LRP1B: variants seen among roughly 807,000 people sequenced by gnomAD.
LRP1B encodes the protein low-density lipoprotein receptor-related protein 1B.
In LRP1B, 217 loss-of-function variants were observed where a neutral mutation model predicts 556.6. That is an observed-to-expected ratio of 0.39 (90% CI 0.35 to 0.44). LRP1B has a LOEUF of 0.44. Ranked by LOEUF, LRP1B falls within the 20% of genes least tolerant of loss-of-function variation. The probability of loss-of-function intolerance (pLI) is 1.00; values close to 1 mark genes in which losing one functional copy is unlikely to be tolerated. For synonymous variants in LRP1B, 2,047 were observed against 1,865.8 expected (o/e 1.10, Z -2.50); for missense variants, 5,053 against 5,620.8 (o/e 0.90, Z 3.23).
At chr2:140,498,663 C>T (rs1026022018) in intron 55 of LRP1B, among the ~76,000 whole-genome samples, 1 of 151,742 alleles carries the variant, frequency 6.6e-6, no homozygotes, top group African/African-American at 2.4e-5. Flanking sequence ...TTCTCTGAAA[C>T]AGAGAAATCT....
chr2:141,163,896 C>T (rs1680140067), intron 7 of LRP1B, among the ~76,000 whole-genome samples: 1 of 151,994 alleles, frequency 6.6e-6, no homozygotes, highest in East Asian at 1.9e-4. Flanking sequence ...GTAAACTATA[C>T]CTCGGACCTA....
At chr2:140,874,485 A>G (rs1693241389) in intron 25 of LRP1B, among the ~76,000 whole-genome samples, 2 of 152,158 alleles carry the variant, frequency 1.3e-5, no homozygotes, top group African/African-American at 4.8e-5. Flanking sequence ...TTCCAAAATA[A>G]TATTCTGTGC....
At chr2:140,325,634 T>C (rs1356969508) in intron 80 of LRP1B, 128 bp downstream of exon 80, 1 of 601,278 alleles carries the variant, frequency 1.7e-6, no homozygotes, top group East Asian at 3.0e-5. Context: ...GTAAGCCTTA[T>C]AAGTTGAAAG....
At chr2:140,344,127 C>T (rs1208667444) in intron 77 of LRP1B, among the ~76,000 whole-genome samples, 1 of 151,734 alleles carries the variant, frequency 6.6e-6, no homozygotes, top group Non-Finnish European at 1.5e-5. Context: ...GATGTACCAG[C>T]ATGTAAATTT....
chr2:140,946,086 C>A (rs1433701759), intron 20 of LRP1B, among the ~76,000 whole-genome samples: 1 of 152,042 alleles, frequency 6.6e-6, no homozygotes, highest in Non-Finnish European at 1.5e-5. Context: ...ATGCAAGTGG[C>A]CAGGAAACAT....
intron 2 of LRP1B, among the ~76,000 whole-genome samples, chr2:141,787,881 T>G (rs1695477276): frequency 6.6e-6 from 1 of 152,012 alleles, no homozygotes; most frequent in African/African-American, 2.4e-5. Context: ...AATCTTTTTC[T>G]CCATATGTCT....
intron 29 of LRP1B, among the ~76,000 whole-genome samples, chr2:140,843,074 TTTTTTTGTTTGTTTTTTTTTTTTTTG>T (rs1553543318): frequency 0.26 from 9,841 of 37,306 alleles, 953 homozygotes; most frequent in East Asian, 0.39. Flanking sequence ...TTTGTTTTTT[TTTTTTTGTTTGTTTTTTTTTTTTTTG>T]TTTTTTTTTT....
In LRP1B at chr2:141,004,213, G is replaced by A. The variant is rs187975349; in HGVS notation, c.2503+1122C>T. ...TATATGCCAACTTGACTGGTACATG[G>A]GGTGCTCAGATGTTTGGTCACACAT... On this transcript the variant is annotated intron_variant, in intron 15 of 90. Coordinates refer to ENST00000389484, the MANE Select transcript of LRP1B (RefSeq NM_018557.3). Among the ~76,000 whole-genome samples the A allele has an allele frequency of 3.7e-3, 559 of 152,092 alleles. 3 individuals are homozygous for A. Among genetic ancestry groups the A allele is most frequent in the African/African-American group, 0.012 (513 of 41,520 alleles).
At chr2:140,251,546 C>T (rs1253495742) in intron 86 of LRP1B, among the ~76,000 whole-genome samples, 2 of 151,836 alleles carry the variant, frequency 1.3e-5, no homozygotes, top group Admixed American at 6.6e-5. Flanking sequence ...CTTCTGACCA[C>T]AGTGAAATTC....
chr2:141,677,488 G>A (rs557534855), intron 2 of LRP1B, among the ~76,000 whole-genome samples: 297 of 152,010 alleles, frequency 2.0e-3, no homozygotes, highest in Non-Finnish European at 3.3e-3. Flanking sequence ...AGTTTTATAT[G>A]TATATATATA....
At chr2:141,630,744 T>G (rs2105348952) in intron 2 of LRP1B, among the ~76,000 whole-genome samples, 1 of 152,344 alleles carries the variant, frequency 6.6e-6, no homozygotes, top group South Asian at 2.1e-4. Context: ...TGCAAGAATA[T>G]GCACAGGGGG....
intron 2 of LRP1B, among the ~76,000 whole-genome samples, chr2:141,771,268 A>AG (rs1694889989): frequency 6.6e-6 from 1 of 152,148 alleles, no homozygotes; most frequent in African/African-American, 2.4e-5. Flanking sequence ...ATTAGCCAAA[A>AG]AAAACTAGTT....
chr2:142,089,347 A>G (rs1326471336), intron 1 of LRP1B, among the ~76,000 whole-genome samples: 1 of 152,218 alleles, frequency 6.6e-6, no homozygotes, highest in Non-Finnish European at 1.5e-5. Flanking sequence ...TAACTATAAG[A>G]TATAAAGAAG....
At chr2:141,694,453 T>C (rs1385815241) in intron 2 of LRP1B, among the ~76,000 whole-genome samples, 1 of 152,072 alleles carries the variant, frequency 6.6e-6, no homozygotes, top group African/African-American at 2.4e-5. Context: ...GAGAACTTCT[T>C]GTGTACCAAT....
At chr2:140,671,182 G>A (rs6737361) in intron 41 of LRP1B, among the ~76,000 whole-genome samples, 123,382 of 152,136 alleles carry the variant, frequency 0.81, 50,629 homozygotes, top group Non-Finnish European at 0.88. Flanking sequence ...TAAAACTAAG[G>A]TATATACAAG....
intron 2 of LRP1B, among the ~76,000 whole-genome samples, chr2:141,547,530 T>C (rs530344227): frequency 6.6e-6 from 1 of 152,284 alleles, no homozygotes; most frequent in South Asian, 2.1e-4. Context: ...TACAAGCTGG[T>C]CTAAGGTACT....
At position 141,826,195 on chromosome 2, in the gene LRP1B, A is replaced by C. The variant is rs1397047084; in HGVS notation, c.83-15794T>G. ...TATTCTATATAGAAAAAATATATAT[A>C]AATTATCAGGGATTTTAAAAATAAT... On this transcript the variant is annotated intron_variant, in intron 1 of 90. Transcript: ENST00000389484. Among the ~76,000 whole-genome samples, 10 of 151,892 alleles carry C rather than the reference A, an allele frequency of 6.6e-5. No individual in the cohort carries two copies. In the South Asian group the frequency reaches 2.1e-3, roughly 31 times the overall value.
At chr2:141,159,922 T>C (rs1000590687) in intron 7 of LRP1B, among the ~76,000 whole-genome samples, 1 of 151,944 alleles carries the variant, frequency 6.6e-6, no homozygotes, top group Non-Finnish European at 1.5e-5. Context: ...TGTTCTCACT[T>C]ATAAGTGGGA....
At chr2:141,286,048 C>T (rs1430889901) in intron 3 of LRP1B, among the ~76,000 whole-genome samples, 1 of 110,488 alleles carries the variant, frequency 9.1e-6, no homozygotes, top group Non-Finnish European at 1.7e-5. Context: ...GCCTGGGTGA[C>T]AGAGCGAGAC....
Sources: allele counts gnomAD v4.1 joint callset (sites outside exome capture counted in the v4.1 genomes callset), GRCh38; gene constraint gnomAD v4.1.1; transcripts MANE v1.5; gene names NCBI Gene and HGNC (gene_info 2026-07-23, HGNC 2026-07-21).